Variants in NRXN1 observed in about 807,000 individuals in gnomAD.
NRXN1 encodes the protein neurexin 1.
Under a neutral mutation model 150.9 loss-of-function variants are expected in NRXN1, and 39 were observed. The ratio of observed to expected loss-of-function variants is 0.26; its 90% CI spans 0.20 to 0.34. The LOEUF is 0.34. NRXN1 is among the 10% of genes least tolerant of loss of function. The probability of loss-of-function intolerance (pLI) is 1.00; values close to 1 mark genes in which losing one functional copy is unlikely to be tolerated. For missense variants in NRXN1, 1,815 were observed against 1,949.9 expected, an observed-to-expected ratio of 0.93 and a Z score of 1.30; for synonymous variants, 924 against 757.0, an observed-to-expected ratio of 1.22 and a Z score of -3.62.
chr2:50,652,072 C>A (rs1013301727), intron 5 of NRXN1, among the ~76,000 whole-genome samples: 1 of 151,994 alleles, frequency 6.6e-6, no homozygotes, highest in Non-Finnish European at 1.5e-5. Context: ...CTGGTAAAAC[C>A]AGAGAGGTAG....
At chr2:50,231,053 T>A (rs939486988) in intron 18 of NRXN1, among the ~76,000 whole-genome samples, 11 of 151,848 alleles carry the variant, frequency 7.2e-5, no homozygotes, top group Admixed American at 1.3e-4. Context: ...GATACGGCAA[T>A]AGAAAAAATA....
chr2:50,277,638 A>G (rs991546177), intron 17 of NRXN1, among the ~76,000 whole-genome samples: 88 of 152,104 alleles, frequency 5.8e-4, no homozygotes, highest in African/African-American at 2.0e-3. Flanking sequence ...CTCAGTAGTC[A>G]ATCCATAGAT....
chr2:50,685,941 A>G (rs566969382), intron 5 of NRXN1, among the ~76,000 whole-genome samples: 3 of 152,206 alleles, frequency 2.0e-5, no homozygotes, highest in Admixed American at 6.5e-5. Context: ...CATCAAAAAT[A>G]TAGATCTTGC....
chr2:50,623,166 G>A, intron 6 of NRXN1, 148 bp downstream of exon 6: 1 of 626,190 alleles, frequency 1.6e-6, no homozygotes, highest in Non-Finnish European at 2.7e-6. Context: ...CTCAAGTATG[G>A]CAGGAAGATT....
chr2:50,976,876 T>C (rs1055183138), intron 2 of NRXN1, among the ~76,000 whole-genome samples: 1 of 152,018 alleles, frequency 6.6e-6, no homozygotes, highest in African/African-American at 2.4e-5. Flanking sequence ...TATTAAGATA[T>C]AGCCAAAAGA....
rs150086305 is a variant in NRXN1 at position 50,483,177 on chromosome 2, C to T, written c.3071-10706G>A. Among the ~76,000 whole-genome samples, 253 of 152,068 alleles carry T rather than the reference C, an allele frequency of 1.7e-3. 1 individual carries two copies. The highest frequency in any genetic ancestry group is 5.9e-3 in the African/African-American group (244 of 41,464). On this transcript the variant is annotated intron_variant, in intron 15 of 22. Coordinates refer to ENST00000401669, the MANE Select transcript of NRXN1 (RefSeq NM_001330078.2). Reference sequence around the variant, plus strand: ...ATTTATTAGCTTGCTAAAAGACACTCCCACCAGTGCCATGACAGTTTACAA... The same window carrying T: ...ATTTATTAGCTTGCTAAAAGACACTTCCACCAGTGCCATGACAGTTTACAA...
At chr2:50,136,932 A>G (rs983855537) in intron 18 of NRXN1, among the ~76,000 whole-genome samples, 12 of 152,336 alleles carry the variant, frequency 7.9e-5, no homozygotes, top group African/African-American at 2.9e-4. Context: ...CTAATGAATC[A>G]GTCCCTTTAA....
intron 21 of NRXN1, among the ~76,000 whole-genome samples, chr2:49,956,866 T>C (rs1675056655): frequency 6.6e-6 from 1 of 152,188 alleles, no homozygotes; most frequent in African/African-American, 2.4e-5. Flanking sequence ...ACTTGACTTT[T>C]AGTTCTCCAA....
intron 5 of NRXN1, among the ~76,000 whole-genome samples, chr2:50,660,801 T>C (rs1204864177): frequency 2.0e-5 from 3 of 152,132 alleles, no homozygotes. Context: ...ACGTAGTCCA[T>C]TCATCAATAT....
intron 18 of NRXN1, among the ~76,000 whole-genome samples, chr2:50,140,745 G>A (rs1574129184): frequency 6.6e-6 from 1 of 151,272 alleles, no homozygotes; most frequent in South Asian, 2.1e-4. Flanking sequence ...AACCAGTTTC[G>A]AATATTTTCA....
intron 17 of NRXN1, among the ~76,000 whole-genome samples, chr2:50,456,668 T>C (rs1272075504): frequency 6.6e-6 from 1 of 152,118 alleles, no homozygotes; most frequent in African/African-American, 2.4e-5. Flanking sequence ...TTGACCTTTT[T>C]TCTGGACTCT....
At chr2:51,002,066 G>C (rs1036243312) in intron 2 of NRXN1, among the ~76,000 whole-genome samples, 9 of 151,880 alleles carry the variant, frequency 5.9e-5, no homozygotes, top group African/African-American at 2.2e-4. Flanking sequence ...TTGTACAACT[G>C]TCCACTCTTC....
At chr2:50,001,364 G>A (rs933195744) in intron 21 of NRXN1, among the ~76,000 whole-genome samples, 1 of 152,094 alleles carries the variant, frequency 6.6e-6, no homozygotes, top group South Asian at 2.1e-4. Context: ...ATCCCTTCCA[G>A]TTTATCTGAA....
At position 50,381,524 on chromosome 2, in the gene NRXN1, C is replaced by CACAT. The variant is rs1021344332; in HGVS notation, c.3364+83917_3364+83918insATGT. ...TCTAAAGGGGACTCAGGCTTTTAAA[C>CACAT]ACACACACACACACACACACACACA... On this transcript the variant is annotated intron_variant, in intron 17 of 22. Coordinates refer to ENST00000401669, the MANE Select transcript of NRXN1 (RefSeq NM_001330078.2). Among the ~76,000 whole-genome samples the CACAT allele has an allele frequency of 3.1e-4, 7 of 22,854 alleles. No homozygotes were observed. In the African/African-American group the frequency reaches 5.1e-3, roughly 17 times the overall value. 15.0% of individuals were successfully genotyped at this position (22,854 alleles called of 152,430 possible). A position where few individuals can be genotyped will look rare whatever the true frequency, so the allele number is the denominator to read the frequency against.
At chr2:50,773,885 A>G (rs1237989255) in intron 5 of NRXN1, among the ~76,000 whole-genome samples, 2 of 152,028 alleles carry the variant, frequency 1.3e-5, no homozygotes, top group African/African-American at 4.8e-5. Flanking sequence ...TTTTTCATTC[A>G]CCCACAAGCA....
At chr2:50,891,965 G>T (rs1681128673) in intron 5 of NRXN1, among the ~76,000 whole-genome samples, 1 of 151,968 alleles carries the variant, frequency 6.6e-6, no homozygotes, top group South Asian at 2.1e-4. Flanking sequence ...ATAGAAAACA[G>T]ACAAAAATCC....
intron 5 of NRXN1, among the ~76,000 whole-genome samples, chr2:50,813,121 G>A (rs1287241782): frequency 6.6e-6 from 1 of 151,912 alleles, no homozygotes; most frequent in Non-Finnish European, 1.5e-5. Flanking sequence ...TTGAGCCTGG[G>A]GGACTGAAGC....
In NRXN1 at chr2:50,244,320, G is replaced by A. The variant is rs13034262; in HGVS notation, c.3365-7350C>T. On this transcript the variant is annotated intron_variant, in intron 17 of 22. Transcript: ENST00000401669. The stretch of plus-strand genomic sequence containing the variant: ...CATTCATTCAGAAACACCACCAATA[G>A]CAGCAAAGACTGCACACTGGACAAT... Among the ~76,000 whole-genome samples the A allele has an allele frequency of 6.0e-3, 905 of 151,876 alleles. 3 individuals are homozygous for A. The highest frequency in any genetic ancestry group is 9.9e-3 in the Admixed American group (151 of 15,178).
chr2:50,729,456 G>T (rs1697804254), intron 5 of NRXN1, among the ~76,000 whole-genome samples: 1 of 152,184 alleles, frequency 6.6e-6, no homozygotes, highest in Non-Finnish European at 1.5e-5. Context: ...GTAGAGCTAG[G>T]ATGTGAACCC....
Sources: gnomAD v4.1 joint callset for allele counts (sites outside exome capture counted in the v4.1 genomes callset) on GRCh38, gnomAD v4.1.1 for gene constraint, MANE v1.5 for transcripts, NCBI Gene and HGNC (gene_info 2026-07-23, HGNC 2026-07-21) for gene names.